Variants in KIFAP3 observed in about 807,000 individuals in gnomAD.
KIFAP3 encodes the protein kinesin associated protein 3, also known as kinesin-associated protein 3.
KIFAP3 carries 68 observed loss-of-function variants against 106.5 expected under a neutral mutation model. The observed-to-expected ratio is 0.64, with a 90% CI of 0.53 to 0.78. KIFAP3 has a LOEUF of 0.78. Among genes scored for constraint, KIFAP3 ranks in the 30% least tolerant of loss-of-function variants. KIFAP3 has a pLI of 0.00. For missense variants in KIFAP3, 780 were observed against 941.8 expected (o/e 0.83, Z 2.25); for synonymous variants, 320 against 311.5 (o/e 1.03, Z -0.29).
chr1:170,037,244 T>C (rs1052368870), intron 5 of KIFAP3, among the ~76,000 whole-genome samples: 3 of 152,166 alleles, frequency 2.0e-5, no homozygotes, highest in Non-Finnish European at 4.4e-5. Context: ...GGCAAGCATA[T>C]AGCAGAAAAG....
At chr1:170,076,137 T>G (rs1445924238), upstream of KIFAP3, among the ~76,000 whole-genome samples, 1 of 152,102 alleles carries the variant, frequency 6.6e-6, no homozygotes, top group African/African-American at 2.4e-5. Flanking sequence ...TTCGTTCACT[T>G]TTGCATTCAG....
At chr1:170,066,723 A>G (rs1671465020) in intron 1 of KIFAP3, among the ~76,000 whole-genome samples, 1 of 152,188 alleles carries the variant, frequency 6.6e-6, no homozygotes, top group South Asian at 2.1e-4. Context: ...TGGCTCTGGT[A>G]AAGCTCCAAG....
intron 1 of KIFAP3, among the ~76,000 whole-genome samples, chr1:170,059,780 A>G (rs1422762825): frequency 6.6e-6 from 1 of 152,246 alleles, no homozygotes; most frequent in Non-Finnish European, 1.5e-5. Flanking sequence ...AAATACTGGC[A>G]AACTGAATCC....
chr1:170,011,240 A>G (rs1236296075), intron 10 of KIFAP3, among the ~76,000 whole-genome samples: 1 of 151,914 alleles, frequency 6.6e-6, no homozygotes, highest in South Asian at 2.1e-4. Flanking sequence ...AAATCAACTA[A>G]AAATAAAACT....
intron 19 of KIFAP3, among the ~76,000 whole-genome samples, chr1:169,926,585 T>C (rs986175358): frequency 2.6e-5 from 4 of 151,880 alleles, no homozygotes; most frequent in African/African-American, 7.2e-5. Flanking sequence ...TATATGTGTA[T>C]ATATATATAA....
At chr1:169,978,741 G>A (rs571442067) in intron 15 of KIFAP3, among the ~76,000 whole-genome samples, 7 of 152,054 alleles carry the variant, frequency 4.6e-5, no homozygotes, top group African/African-American at 1.7e-4. Context: ...TCTAACCTTA[G>A]GTAATGATTA....
At chr1:170,016,663 T>C (rs748403271) in intron 9 of KIFAP3, 39 bp from the exon 10 acceptor site, 1 of 1,241,358 alleles carries the variant, frequency 8.1e-7, no homozygotes, top group Middle Eastern at 2.3e-4. Flanking sequence ...GAAGTTCTGT[T>C]GCAAAATAGG....
At chr1:169,968,896 GT>G (rs1665767999) in intron 17 of KIFAP3, among the ~76,000 whole-genome samples, 1 of 151,512 alleles carries the variant, frequency 6.6e-6, no homozygotes, top group Admixed American at 6.6e-5. Flanking sequence ...AATTATGTGT[GT>G]ATATGCTTAA....
At chr1:169,973,718 G>C (rs1666067238) in intron 16 of KIFAP3, among the ~76,000 whole-genome samples, 1 of 151,698 alleles carries the variant, frequency 6.6e-6, no homozygotes, top group African/African-American at 2.4e-5. Flanking sequence ...GGAAATAACT[G>C]TCAACCTAGA....
chr1:170,031,358 T>C (rs185163567), intron 8 of KIFAP3, among the ~76,000 whole-genome samples: 7 of 151,858 alleles, frequency 4.6e-5, no homozygotes, highest in Non-Finnish European at 8.9e-5. Context: ...AATAGTCAAG[T>C]ATAAATCCGG....
Position 170,024,612 on chromosome 1 carries a change from A to G in KIFAP3, c.842-16T>C. The G allele has an allele frequency of 6.9e-7, 1 of 1,457,908 alleles. No individual in the cohort carries two copies. The highest frequency in any genetic ancestry group is 1.4e-5 in the African/African-American group (1 of 69,558). The allele number at this position is 1,457,908 out of a possible 1,614,324, so 90.3% of individuals were successfully genotyped here. On this transcript the variant is annotated splice_polypyrimidine_tract_variant and intron_variant, in intron 8 of 19. Transcript: ENST00000361580. ...TAAAGAGCAACTAGAAAAGTAAAATATATGAGAGATAAAGAATTAGTATAC... is the reference window on the plus strand; with the variant it reads ...TAAAGAGCAACTAGAAAAGTAAAATGTATGAGAGATAAAGAATTAGTATAC...
At chr1:169,924,928 T>C (rs1483160346) in intron 19 of KIFAP3, among the ~76,000 whole-genome samples, 3 of 152,208 alleles carry the variant, frequency 2.0e-5, no homozygotes, top group Non-Finnish European at 2.9e-5. Context: ...CACAGGAATT[T>C]GTATGCCCTC....
intron 11 of KIFAP3, among the ~76,000 whole-genome samples, chr1:169,991,258 G>T (rs976474302): frequency 6.6e-6 from 1 of 151,862 alleles, no homozygotes; most frequent in Non-Finnish European, 1.5e-5. Flanking sequence ...GAGGCAGGAG[G>T]ATTGCTTGAG....
chr1:169,960,126 G>A (rs1441861526), intron 18 of KIFAP3, among the ~76,000 whole-genome samples: 2 of 152,066 alleles, frequency 1.3e-5, no homozygotes, highest in South Asian at 2.1e-4. Context: ...GTGATCAGAT[G>A]TAATAGTAAT....
At chr1:169,982,165 A>C in intron 14 of KIFAP3, 68 bp from the exon 15 acceptor site, 1 of 1,457,756 alleles carries the variant, frequency 6.9e-7, no homozygotes, top group Non-Finnish European at 9.5e-7. Context: ...AGAGTATCAA[A>C]ATGTAAATAC....
chr1:169,941,892 T>C (rs564448249), intron 19 of KIFAP3, among the ~76,000 whole-genome samples: 2 of 152,360 alleles, frequency 1.3e-5, no homozygotes, highest in Admixed American at 1.3e-4. Flanking sequence ...TTTATGTACT[T>C]TACTATGAGG....
chr1:170,012,827 A>G (rs947064935), intron 10 of KIFAP3, among the ~76,000 whole-genome samples: 2 of 152,194 alleles, frequency 1.3e-5, no homozygotes, highest in Non-Finnish European at 1.5e-5. Context: ...TACATCTTAC[A>G]TGGTGGCAGA....
intron 1 of KIFAP3, among the ~76,000 whole-genome samples, chr1:170,059,257 T>C (rs376758679): frequency 1.2e-4 from 18 of 152,108 alleles, no homozygotes; most frequent in East Asian, 9.7e-4. Flanking sequence ...ACTGATAGAC[T>C]GCTAGCAACA....
At chr1:170,047,646 T>TGA (rs1161969841) in intron 2 of KIFAP3, among the ~76,000 whole-genome samples, 1 of 132,360 alleles carries the variant, frequency 7.6e-6, no homozygotes, top group East Asian at 2.2e-4. Flanking sequence ...AAAAAAAAAG[T>TGA]GAGATCCACT....
Sources: gnomAD v4.1 joint callset for allele counts (sites outside exome capture counted in the v4.1 genomes callset) on GRCh38, gnomAD v4.1.1 for gene constraint, MANE v1.5 for transcripts, NCBI Gene and HGNC (gene_info 2026-07-23, HGNC 2026-07-21) for gene names.